The following PPP1CB variants were observed in gnomAD, a reference collection of about 807,000 sequenced individuals.
The protein encoded by PPP1CB is serine/threonine-protein phosphatase PP1-beta catalytic subunit.
A neutral mutation model predicts 43.7 loss-of-function variants in PPP1CB; 2 were observed. The observed-to-expected ratio is 0.05, with a 90% confidence interval of 0.02 to 0.14. The LOEUF (loss-of-function observed/expected upper bound fraction) is 0.14, where lower values mean the gene tolerates loss of function less well. PPP1CB is among the 10% of genes least tolerant of loss of function. The pLI is 1.00. For synonymous variants in PPP1CB, 136 were observed against 135.6 expected (o/e 1.00, Z -0.02); for missense variants, 84 against 398.0 (o/e 0.21, Z 6.71).
intron 7 of PPP1CB, among the ~76,000 whole-genome samples, chr2:28,794,871 G>A (rs1047323308): frequency 6.6e-6 from 1 of 151,982 alleles, no homozygotes. Flanking sequence ...GTACGTACTA[G>A]GTTCAGGGGT....
At chr2:28,781,715 T>G (rs376484548) in intron 3 of PPP1CB, 23 bp from the exon 4 acceptor site, 1 of 1,500,350 alleles carries the variant, frequency 6.7e-7, no homozygotes, top group African/African-American at 1.4e-5. Context: ...TTTTTTAATT[T>G]ATTCTATCTG....
intron 1 of PPP1CB, among the ~76,000 whole-genome samples, chr2:28,757,184 C>T (rs1666512194): frequency 6.6e-6 from 1 of 152,084 alleles, no homozygotes; most frequent in Non-Finnish European, 1.5e-5. Flanking sequence ...TTTTAACATT[C>T]ATCTTTGTTG....
At chr2:28,784,620 G>A (rs531092323) in intron 5 of PPP1CB, among the ~76,000 whole-genome samples, 11 of 152,056 alleles carry the variant, frequency 7.2e-5, no homozygotes, top group Admixed American at 2.0e-4. Context: ...AATTACATTG[G>A]AAATCTCTGG....
intron 1 of PPP1CB, among the ~76,000 whole-genome samples, chr2:28,764,251 G>C (rs1666730584): frequency 6.6e-6 from 1 of 151,806 alleles, no homozygotes; most frequent in Non-Finnish European, 1.5e-5. Flanking sequence ...ACGAGGTCAG[G>C]AGATCGAGAC....
At chr2:28,755,051 GT>G (rs1001772984) in intron 1 of PPP1CB, among the ~76,000 whole-genome samples, 2 of 151,332 alleles carry the variant, frequency 1.3e-5, no homozygotes, top group Non-Finnish European at 2.9e-5. Context: ...AGTTTTTTTT[GT>G]TTTTTGTTTT....
intron 7 of PPP1CB, among the ~76,000 whole-genome samples, chr2:28,797,599 CATTT>C (rs758737907): frequency 6.6e-6 from 1 of 151,962 alleles, no homozygotes; most frequent in Non-Finnish European, 1.5e-5. Flanking sequence ...TGAATGTATT[CATTT>C]ATTCTAGGTT....
At chr2:28,793,218 A>G (rs965679955) in intron 6 of PPP1CB, among the ~76,000 whole-genome samples, 1 of 152,158 alleles carries the variant, frequency 6.6e-6, no homozygotes, top group Non-Finnish European at 1.5e-5. Flanking sequence ...AAAATAAAAA[A>G]TAAAAATAAA....
intron 2 of PPP1CB, among the ~76,000 whole-genome samples, chr2:28,777,896 C>G (rs570766590): frequency 6.6e-6 from 1 of 152,260 alleles, no homozygotes; most frequent in Admixed American, 6.5e-5. Flanking sequence ...TCAGGTGATC[C>G]ACCTGTCTTG....
At chr2:28,761,190 G>T (rs1192351536) in intron 1 of PPP1CB, among the ~76,000 whole-genome samples, 2 of 152,118 alleles carry the variant, frequency 1.3e-5, no homozygotes, top group Admixed American at 1.3e-4. Context: ...GCGCCCGGCC[G>T]AGACCAGACT....
intron 1 of PPP1CB, among the ~76,000 whole-genome samples, chr2:28,774,397 A>G (rs1335836676): frequency 6.6e-6 from 1 of 152,168 alleles, no homozygotes; most frequent in African/African-American, 2.4e-5. Flanking sequence ...GTTATCTGAA[A>G]GCAGTTTGAG....
intron 1 of PPP1CB, among the ~76,000 whole-genome samples, chr2:28,770,049 A>T (rs1369047189): frequency 6.6e-6 from 1 of 152,112 alleles, no homozygotes; most frequent in African/African-American, 2.4e-5. Context: ...CGGACAGGTC[A>T]CTTGAGGTCA....
chr2:28,751,783 A>C, upstream of PPP1CB: 3 of 371,340 alleles, frequency 8.1e-6, no homozygotes, highest in Non-Finnish European at 1.5e-5. Context: ...GGACGTGCGG[A>C]GTGAGTGGCG....
intron 4 of PPP1CB, among the ~76,000 whole-genome samples, chr2:28,783,179 AAAG>A (rs942047093): frequency 5.9e-5 from 9 of 152,316 alleles, no homozygotes; most frequent in African/African-American, 2.2e-4. Context: ...TGGGATGTGA[AAAG>A]AAGGTCTTAG....
intron 1 of PPP1CB, among the ~76,000 whole-genome samples, chr2:28,765,689 G>C (rs572017419): frequency 3.3e-5 from 5 of 152,232 alleles, no homozygotes; most frequent in South Asian, 2.1e-4. Context: ...GGCGGAGGCA[G>C]GAGGATCACT....
chr2:28,770,167 G>T (rs1329832169), intron 1 of PPP1CB, among the ~76,000 whole-genome samples: 3 of 152,112 alleles, frequency 2.0e-5, no homozygotes, highest in African/African-American at 7.2e-5. Flanking sequence ...GGAGGCTGAG[G>T]CAGGAGAATC....
At position 28,802,182 on chromosome 2, in the gene PPP1CB, A is replaced by G. The variant is rs1311878196; in HGVS notation, c.*2879A>G. 3 of 152,240 alleles carry G rather than the reference A, an allele frequency of 2.0e-5. No homozygotes were observed. Among genetic ancestry groups the G allele is most frequent in the South Asian group, 2.1e-4 (1 of 4,834 alleles). The allele number at this position is 152,240 out of a possible 1,614,324, so 9.4% of individuals were successfully genotyped here. On this transcript the variant is annotated 3_prime_UTR_variant, in exon 8 of 8. Transcript: ENST00000395366. The stretch of plus-strand genomic sequence containing the variant: ...TTTTATTCAAGGCAAAGCAAGGAAC[A>G]TCTTGAGATATGTCTCAAGAATATA...
Position 28,800,755 on chromosome 2 carries a change from A to G in PPP1CB, c.*1452A>G, listed in dbSNP as rs1375178704. On this transcript the variant is annotated 3_prime_UTR_variant, in exon 8 of 8. Coordinates refer to ENST00000395366, the MANE Select transcript of PPP1CB (RefSeq NM_002709.3). ...TTTATTGAGCATTGTCAAATTTGTA[A>G]GCTTCATAGGGATGGACATCATATC... 9.2e-5 allele frequency: 14 copies of G among 152,628 alleles called. No individual in the cohort carries two copies. In the East Asian group the frequency reaches 2.7e-3, roughly 29 times the overall value. The allele number at this position is 152,628 out of a possible 1,614,324, so 9.5% of individuals were successfully genotyped here.
Position 28,800,520 on chromosome 2 carries a change from A to G in PPP1CB, c.*1217A>G, listed in dbSNP as rs906136868. ...AAGGTCATATGATACTGTATAGACA[A>G]GCTTTGTAGTGAAGTATAGTAGCAA... is the stretch of plus-strand genomic sequence containing the variant. On this transcript the variant is annotated 3_prime_UTR_variant, in exon 8 of 8. Coordinates refer to ENST00000395366, the MANE Select transcript of PPP1CB (RefSeq NM_002709.3). The G allele has an allele frequency of 1.3e-5, 2 of 152,416 alleles. No individual in the cohort carries two copies. Among genetic ancestry groups the G allele is most frequent in the African/African-American group, 4.8e-5 (2 of 41,426 alleles). 9.4% of individuals were successfully genotyped at this position (152,416 alleles called of 1,614,324 possible).
At chr2:28,759,103 T>A (rs903149335) in intron 1 of PPP1CB, among the ~76,000 whole-genome samples, 23 of 152,190 alleles carry the variant, frequency 1.5e-4, no homozygotes, top group African/African-American at 5.6e-4. Context: ...CCTGTAAGAT[T>A]AGAATGGAAC....
Sources: allele counts gnomAD v4.1 joint callset (sites outside exome capture counted in the v4.1 genomes callset), GRCh38; gene constraint gnomAD v4.1.1; transcripts MANE v1.5; gene names NCBI Gene and HGNC (gene_info 2026-07-23, HGNC 2026-07-21).